HAUS6: variants seen among roughly 807,000 people sequenced by gnomAD.
HAUS6 encodes the protein HAUS augmin-like complex subunit 6.
Under a neutral mutation model 106.8 loss-of-function variants are expected in HAUS6, and 80 were observed. That is an observed-to-expected ratio of 0.75 (90% CI 0.63 to 0.90). HAUS6 has a LOEUF of 0.90. HAUS6 is among the 40% of genes least tolerant of loss of function. HAUS6 has a pLI of 0.00. For missense variants in HAUS6, 1,155 were observed against 1,118.1 expected, an observed-to-expected ratio of 1.03 and a Z score of -0.47; for synonymous variants, 356 against 379.1, an observed-to-expected ratio of 0.94 and a Z score of 0.71.
intron 9 of HAUS6, among the ~76,000 whole-genome samples, chr9:19,078,876 C>T (rs1033933519): frequency 2.8e-4 from 42 of 147,418 alleles, no homozygotes; most frequent in African/African-American, 9.2e-4. Flanking sequence ...AGAAAGAGGC[C>T]GGGTATGGTG....
At chr9:19,087,253 C>T in intron 5 of HAUS6, 97 bp from the exon 6 acceptor site, 1 of 745,884 alleles carries the variant, frequency 1.3e-6, no homozygotes, top group East Asian at 2.5e-5. Flanking sequence ...TTGTTTAAGG[C>T]CTCTGGGTAC....
chr9:19,082,542 A>G (rs1837179885), intron 8 of HAUS6, among the ~76,000 whole-genome samples: 1 of 152,180 alleles, frequency 6.6e-6, no homozygotes, highest in Non-Finnish European at 1.5e-5. Flanking sequence ...TGAGGTCAGG[A>G]GCTCGAGACC....
At chr9:19,095,527 C>T (rs1672294040) in intron 2 of HAUS6, among the ~76,000 whole-genome samples, 1 of 150,142 alleles carries the variant, frequency 6.7e-6, no homozygotes, top group South Asian at 2.1e-4. Context: ...AAATTAAAAT[C>T]TGTTTTTATT....
intron 5 of HAUS6, among the ~76,000 whole-genome samples, chr9:19,088,206 G>C (rs1817665186): frequency 6.6e-6 from 1 of 152,130 alleles, no homozygotes; most frequent in African/African-American, 2.4e-5. Context: ...CCTGAGGTCA[G>C]GAGTTCGAGA....
At chr9:19,076,578 GA>G (rs768050879) in intron 11 of HAUS6, 23 bp downstream of exon 11, 2 of 1,072,488 alleles carry the variant, frequency 1.9e-6, no homozygotes, top group Non-Finnish European at 2.9e-6. Flanking sequence ...GTTTCAAAGA[GA>G]AAAAAATAAA....
At chr9:19,101,433 G>C (rs754053090) in intron 1 of HAUS6, among the ~76,000 whole-genome samples, 5 of 152,150 alleles carry the variant, frequency 3.3e-5, no homozygotes, top group Non-Finnish European at 7.3e-5. Context: ...GGAGGCTGCA[G>C]TGAGCTGTGA....
At chr9:19,092,618 GAAAAAAAA>G (rs754952207) in intron 4 of HAUS6, among the ~76,000 whole-genome samples, 7 of 55,008 alleles carry the variant, frequency 1.3e-4, no homozygotes, top group Non-Finnish European at 6.4e-5. Context: ...CTCCGTCTCG[GAAAAAAAA>G]AAAAAAAAAA....
intron 7 of HAUS6, among the ~76,000 whole-genome samples, chr9:19,086,050 G>T (rs1220703267): frequency 6.6e-6 from 1 of 152,064 alleles, no homozygotes; most frequent in Non-Finnish European, 1.5e-5. Context: ...AGTGGCTCAT[G>T]CCTGTAATCC....
intron 8 of HAUS6, among the ~76,000 whole-genome samples, chr9:19,081,482 C>T (rs1837149236): frequency 6.6e-6 from 1 of 151,818 alleles, no homozygotes; most frequent in Non-Finnish European, 1.5e-5. Flanking sequence ...ACTCTGTCTC[C>T]CAGGCTGGGT....
chr9:19,098,551 G>C (rs186564245), intron 1 of HAUS6, among the ~76,000 whole-genome samples: 8 of 152,046 alleles, frequency 5.3e-5, no homozygotes, highest in South Asian at 2.1e-4. Context: ...ACAAATAAAT[G>C]AATCACCTCT....
intron 1 of HAUS6, among the ~76,000 whole-genome samples, chr9:19,098,409 G>T (rs904899282): frequency 7.1e-6 from 1 of 141,304 alleles, no homozygotes; most frequent in African/African-American, 2.7e-5. Context: ...CCGCACTCCA[G>T]CCTGGCAAAA....
At chr9:19,088,660 G>C (rs1588622074) in intron 5 of HAUS6, among the ~76,000 whole-genome samples, 1 of 150,348 alleles carries the variant, frequency 6.7e-6, no homozygotes, top group East Asian at 2.0e-4. Flanking sequence ...TTGAGGTCAG[G>C]AGTTCGAGAC....
intron 14 of HAUS6, among the ~76,000 whole-genome samples, chr9:19,062,560 T>C (rs1017011897): frequency 1.3e-5 from 2 of 152,244 alleles, no homozygotes; most frequent in African/African-American, 4.8e-5. Context: ...GCTTTAACCA[T>C]AATTTTTATT....
intron 13 of HAUS6, 47 bp downstream of exon 13, chr9:19,063,467 T>C (rs1315168761): frequency 1.1e-6 from 1 of 897,778 alleles, no homozygotes; most frequent in Non-Finnish European, 1.7e-6. Flanking sequence ...TAATATTTTA[T>C]AATTTAGTAT....
At chr9:19,079,490 C>T (rs1032953688) in intron 9 of HAUS6, among the ~76,000 whole-genome samples, 1 of 151,864 alleles carries the variant, frequency 6.6e-6, no homozygotes, top group African/African-American at 2.4e-5. Flanking sequence ...CTCAGTCTCC[C>T]AAAGTGCTGG....
rs759905248 is a variant in HAUS6, at chr9:19,078,199, T to C, written c.1168A>G (p.Ser390Gly). 12 of 1,607,452 alleles carry C rather than the reference T, an allele frequency of 7.5e-6. No homozygotes were observed. In the Admixed American group the frequency reaches 1.2e-4, roughly 16 times the overall value. The change falls in exon 10 of 17, where the codon AGT (serine) becomes GGT (glycine). Residue 390 changes from serine (S) to glycine (G), a missense_variant. Coordinates refer to ENST00000380502, the MANE Select transcript of HAUS6 (RefSeq NM_017645.5). ...WKEFLGLSPF[S>G]LIKGWTPSVD... ...ACTGGAGTCCAACCTTTAATTAGACTGAAAGGAGACAAACCAAGAAATTCT... is the reference window on the plus strand; with the variant it reads ...ACTGGAGTCCAACCTTTAATTAGACCGAAAGGAGACAAACCAAGAAATTCT...
intron 4 of HAUS6, among the ~76,000 whole-genome samples, chr9:19,091,587 G>A (rs189492925): frequency 5.3e-4 from 81 of 152,148 alleles, no homozygotes; most frequent in African/African-American, 1.9e-3. Flanking sequence ...GGCCAAGGTG[G>A]CAGGATTACT....
At chr9:19,071,751 T>A (rs910425897) in intron 11 of HAUS6, among the ~76,000 whole-genome samples, 1 of 151,952 alleles carries the variant, frequency 6.6e-6, no homozygotes, top group African/African-American at 2.4e-5. Context: ...TTTTTTGTGT[T>A]TTTTTATAGA....
At chr9:19,079,243 T>TA (rs1310159729) in intron 9 of HAUS6, among the ~76,000 whole-genome samples, 3 of 150,936 alleles carry the variant, frequency 2.0e-5, no homozygotes. Context: ...TTTTTTTTTT[T>TA]ATTGAGATGG....
Sources: gnomAD v4.1 joint callset for allele counts (sites outside exome capture counted in the v4.1 genomes callset) on GRCh38, gnomAD v4.1.1 for gene constraint, MANE v1.5 for transcripts, NCBI Gene and HGNC (gene_info 2026-07-23, HGNC 2026-07-21) for gene names.